SCHIP1: variants seen among roughly 807,000 people sequenced by gnomAD.
The protein encoded by SCHIP1 is schwannomin-interacting protein 1.
A neutral mutation model predicts 29.7 loss-of-function variants in SCHIP1; 8 were observed. The observed-to-expected ratio is 0.27, with a 90% CI of 0.16 to 0.49. The LOEUF is 0.49. SCHIP1 is among the 20% of genes least tolerant of loss of function. The pLI is 0.99. For missense variants in SCHIP1, 193 were observed against 294.6 expected (o/e 0.66, Z 2.52); for synonymous variants, 76 against 94.9 (o/e 0.80, Z 1.16).
At chr3:159,507,301 T>G in the SCHIP1 span, among the ~76,000 whole-genome samples, 9 of 152,200 alleles carry the variant, frequency 5.9e-5, no homozygotes, top group African/African-American at 2.2e-4. Flanking sequence ...TGCTTGTGAT[T>G]TTTGCACATT....
the SCHIP1 span, among the ~76,000 whole-genome samples, chr3:159,536,700 A>C: frequency 6.6e-6 from 1 of 152,162 alleles, no homozygotes; most frequent in African/African-American, 2.4e-5. Context: ...GGAGAAGGGA[A>C]AGAAGACAAA....
At chr3:159,860,808 T>G (rs1207873081) in intron 1 of SCHIP1, among the ~76,000 whole-genome samples, 2 of 152,200 alleles carry the variant, frequency 1.3e-5, no homozygotes, top group Admixed American at 6.5e-5. Context: ...CCCACTTCTG[T>G]GCCTTTCTCA....
the SCHIP1 span, among the ~76,000 whole-genome samples, chr3:159,592,633 G>A: frequency 1.3e-5 from 2 of 151,800 alleles, no homozygotes; most frequent in African/African-American, 4.8e-5. Context: ...ACATCTTGCA[G>A]TACCCAAGTC....
the SCHIP1 span, chr3:159,765,116 A>G: frequency 1.3e-6 from 2 of 1,568,316 alleles, no homozygotes; most frequent in South Asian, 2.3e-5. Flanking sequence ...AACCAGGGCC[A>G]GGCGAGGACC....
At chr3:159,669,183 T>C in the SCHIP1 span, among the ~76,000 whole-genome samples, 1 of 152,130 alleles carries the variant, frequency 6.6e-6, no homozygotes, top group Non-Finnish European at 1.5e-5. Flanking sequence ...GGTGGTGTTG[T>C]AAAGGTCAAG....
the SCHIP1 span, among the ~76,000 whole-genome samples, chr3:159,324,634 C>T: frequency 2.0e-5 from 3 of 151,994 alleles, no homozygotes; most frequent in Admixed American, 6.6e-5. Context: ...TGGAATCAGG[C>T]CTGGGAATGT....
At chr3:159,345,257 C>T in the SCHIP1 span, among the ~76,000 whole-genome samples, 26 of 149,478 alleles carry the variant, frequency 1.7e-4, no homozygotes, top group African/African-American at 4.4e-4. Context: ...AATGCTAAAT[C>T]GCAGTGACAT....
the SCHIP1 span, among the ~76,000 whole-genome samples, chr3:159,324,058 A>G: frequency 2.0e-5 from 3 of 152,142 alleles, no homozygotes; most frequent in Admixed American, 6.6e-5. Flanking sequence ...GCTTCCTGCA[A>G]GTCTGACTTA....
chr3:159,590,355 C>T, the SCHIP1 span, among the ~76,000 whole-genome samples: 1 of 152,128 alleles, frequency 6.6e-6, no homozygotes, highest in East Asian at 1.9e-4. Context: ...GTGGGAGGAA[C>T]ACTTGAGGTC....
At chr3:159,516,696 G>A in the SCHIP1 span, among the ~76,000 whole-genome samples, 283 of 152,154 alleles carry the variant, frequency 1.9e-3, 2 homozygotes, top group African/African-American at 6.3e-3. Flanking sequence ...TCTACAGTCT[G>A]ACACGAATCT....
the SCHIP1 span, among the ~76,000 whole-genome samples, chr3:159,551,447 G>T: frequency 6.6e-6 from 1 of 152,042 alleles, no homozygotes; most frequent in Non-Finnish European, 1.5e-5. Flanking sequence ...TTTATCACTA[G>T]CTTTAGTGCA....
the SCHIP1 span, among the ~76,000 whole-genome samples, chr3:159,458,995 A>G: frequency 1.3e-5 from 2 of 152,134 alleles, no homozygotes; most frequent in Non-Finnish European, 2.9e-5. Flanking sequence ...CCTTTATGCT[A>G]TTTCTGTAAG....
the SCHIP1 span, among the ~76,000 whole-genome samples, chr3:159,786,279 C>T: frequency 1.3e-5 from 2 of 151,972 alleles, no homozygotes; most frequent in Admixed American, 1.3e-4. Flanking sequence ...GCTTTTTTTT[C>T]CAGCAAGTTT....
chr3:159,446,584 T>C, the SCHIP1 span, among the ~76,000 whole-genome samples: 4 of 152,176 alleles, frequency 2.6e-5, no homozygotes, highest in African/African-American at 9.7e-5. Flanking sequence ...CAATACAATA[T>C]TGTTGTAATA....
chr3:159,342,929 A>AACTT, the SCHIP1 span, among the ~76,000 whole-genome samples: 1 of 152,232 alleles, frequency 6.6e-6, no homozygotes, highest in Non-Finnish European at 1.5e-5. Flanking sequence ...ACTAAAAACT[A>AACTT]ACTTAAATGA....
chr3:159,855,915 C>T (rs1384373428), intron 1 of SCHIP1, among the ~76,000 whole-genome samples: 1 of 152,184 alleles, frequency 6.6e-6, no homozygotes, highest in Non-Finnish European at 1.5e-5. Context: ...AAAGATTATG[C>T]TTCTGTTCTT....
the SCHIP1 span, among the ~76,000 whole-genome samples, chr3:159,359,132 T>A: frequency 1.3e-5 from 2 of 151,974 alleles, no homozygotes; most frequent in South Asian, 2.1e-4. Context: ...TTCACCATGT[T>A]GGCCAGGATG....
At chr3:159,895,231 T>A (rs2109543406) in intron 6 of SCHIP1, among the ~76,000 whole-genome samples, 1 of 152,306 alleles carries the variant, frequency 6.6e-6, no homozygotes, top group Non-Finnish European at 1.5e-5. Flanking sequence ...CTGAGTACCT[T>A]TATTGTTAGT....
At chr3:159,636,587 C>T in the SCHIP1 span, among the ~76,000 whole-genome samples, 5 of 152,084 alleles carry the variant, frequency 3.3e-5, no homozygotes, top group Non-Finnish European at 5.9e-5. Flanking sequence ...TAAAATTTAC[C>T]GCTGTTTTCC....
Sources: allele counts gnomAD v4.1 joint callset (sites outside exome capture counted in the v4.1 genomes callset), GRCh38; gene constraint gnomAD v4.1.1; transcripts MANE v1.5; gene names NCBI Gene and HGNC (gene_info 2026-07-23, HGNC 2026-07-21).